Variants in ZMAT4 observed in about 807,000 individuals in gnomAD.
The protein encoded by ZMAT4 is zinc finger matrin-type 4, also known as zinc finger matrin-type protein 4.
In ZMAT4, 17 loss-of-function variants were observed where a neutral mutation model predicts 28.7. The ratio of observed to expected loss-of-function variants is 0.59; its 90% confidence interval spans 0.41 to 0.89. The LOEUF is 0.89. Ranked by LOEUF, ZMAT4 falls within the 40% of genes least tolerant of loss-of-function variation. The pLI is 0.00. For synonymous variants in ZMAT4, 117 were observed against 109.2 expected (o/e 1.07, Z -0.44); for missense variants, 240 against 283.8 (o/e 0.85, Z 1.11).
chr8:40,641,649 C>T (rs1248946518), intron 5 of ZMAT4, among the ~76,000 whole-genome samples: 2 of 152,146 alleles, frequency 1.3e-5, no homozygotes, highest in Non-Finnish European at 2.9e-5. Context: ...CCATTCATCA[C>T]CTCTGTGTTT....
chr8:40,666,234 C>G (rs899058479), intron 5 of ZMAT4, among the ~76,000 whole-genome samples: 2 of 152,030 alleles, frequency 1.3e-5, no homozygotes, highest in African/African-American at 2.4e-5. Context: ...TTTATAATTC[C>G]ATAACTCAAT....
At chr8:40,576,304 T>C (rs1387642224) in intron 6 of ZMAT4, among the ~76,000 whole-genome samples, 1 of 151,506 alleles carries the variant, frequency 6.6e-6, no homozygotes, top group Non-Finnish European at 1.5e-5. Context: ...AACAACCACA[T>C]AAACACAGCT....
rs752336997 is a variant in ZMAT4, at chr8:40,679,697, T to A, written c.350-4766A>T. On this transcript the variant is annotated intron_variant, in intron 4 of 6. Transcript: ENST00000297737. Reference sequence around the variant, plus strand: ...AGATTATGAGAACTACAATTCAAGATGAGATTTGGGTGGGGACACAGCCAA... The same window carrying A: ...AGATTATGAGAACTACAATTCAAGAAGAGATTTGGGTGGGGACACAGCCAA... 1.0e-3 allele frequency among the ~76,000 whole-genome samples: 157 copies of A among 152,244 alleles called. 2 individuals are homozygous for A. Among genetic ancestry groups the A allele is most frequent in the South Asian group, 2.1e-4 (1 of 4,824 alleles).
intron 5 of ZMAT4, among the ~76,000 whole-genome samples, chr8:40,586,203 C>T (rs1008795581): frequency 6.6e-6 from 1 of 152,126 alleles, no homozygotes; most frequent in Non-Finnish European, 1.5e-5. Flanking sequence ...AGTTGAAATC[C>T]TAATTACTTT....
At chr8:40,822,021 T>C (rs1182637110) in intron 2 of ZMAT4, among the ~76,000 whole-genome samples, 2 of 152,216 alleles carry the variant, frequency 1.3e-5, no homozygotes, top group South Asian at 2.1e-4. Flanking sequence ...TCTTTTAAAG[T>C]GTAATATGCA....
intron 2 of ZMAT4, among the ~76,000 whole-genome samples, chr8:40,797,918 T>A (rs1229725640): frequency 6.6e-6 from 1 of 152,002 alleles, no homozygotes. Flanking sequence ...CTCTAAGGAG[T>A]GAGCCAGGCA....
intron 5 of ZMAT4, among the ~76,000 whole-genome samples, chr8:40,626,250 G>A (rs962293250): frequency 6.6e-6 from 1 of 152,110 alleles, no homozygotes; most frequent in Non-Finnish European, 1.5e-5. Context: ...AAGTACGAAA[G>A]AGGAGCTGCC....
At chr8:40,692,198 C>G (rs1366186703) in intron 4 of ZMAT4, among the ~76,000 whole-genome samples, 1 of 152,152 alleles carries the variant, frequency 6.6e-6, no homozygotes, top group Non-Finnish European at 1.5e-5. Context: ...CAGAGCACAC[C>G]TCAGAATGGT....
At chr8:40,824,763 AG>A (rs71546308) in intron 2 of ZMAT4, among the ~76,000 whole-genome samples, 1,769 of 151,316 alleles carry the variant, frequency 0.012, 17 homozygotes, top group Non-Finnish European at 0.018. Flanking sequence ...AAAGAAAGAA[AG>A]AAAAGAAAGA....
intron 3 of ZMAT4, among the ~76,000 whole-genome samples, chr8:40,713,452 A>C (rs1232664411): frequency 6.6e-6 from 1 of 152,156 alleles, no homozygotes; most frequent in East Asian, 1.9e-4. Context: ...TAGAAAAAAA[A>C]AACAACATGA....
intron 3 of ZMAT4, among the ~76,000 whole-genome samples, chr8:40,708,226 A>G (rs1246463171): frequency 1.3e-5 from 2 of 152,188 alleles, no homozygotes; most frequent in Non-Finnish European, 2.9e-5. Context: ...AGCAGCAGGT[A>G]TTCACAGAAA....
intron 4 of ZMAT4, among the ~76,000 whole-genome samples, chr8:40,676,079 T>C (rs1407765770): frequency 6.6e-6 from 1 of 152,218 alleles, no homozygotes; most frequent in Non-Finnish European, 1.5e-5. Context: ...GCTTCCATCC[T>C]TACAAGGACT....
chr8:40,799,667 T>TA (rs568490366), intron 2 of ZMAT4, among the ~76,000 whole-genome samples: 24 of 152,064 alleles, frequency 1.6e-4, no homozygotes, highest in South Asian at 6.2e-4. Context: ...GAGGGTAAAA[T>TA]AAAAGAATTT....
chr8:40,838,445 C>A (rs754297184), intron 1 of ZMAT4, among the ~76,000 whole-genome samples: 11 of 152,296 alleles, frequency 7.2e-5, no homozygotes, highest in Non-Finnish European at 1.5e-4. Context: ...TGGGCTCAAG[C>A]AAACCTCCTG....
chr8:40,597,623 A>AT (rs1341011743), intron 5 of ZMAT4, among the ~76,000 whole-genome samples: 1 of 152,054 alleles, frequency 6.6e-6, no homozygotes, highest in Non-Finnish European at 1.5e-5. Flanking sequence ...TTACTTTTTA[A>AT]TTTTTTTCTG....
At chr8:40,841,778 T>C in intron 1 of ZMAT4, among the ~76,000 whole-genome samples, 1 of 152,202 alleles carries the variant, frequency 6.6e-6, no homozygotes, top group East Asian at 1.9e-4. Context: ...GTAATAAAAG[T>C]AAAATGCACT....
At chr8:40,616,918 A>G (rs1806028909) in intron 5 of ZMAT4, among the ~76,000 whole-genome samples, 1 of 151,884 alleles carries the variant, frequency 6.6e-6, no homozygotes, top group Admixed American at 6.6e-5. Context: ...GAGCAGAACT[A>G]CAGTAATTTT....
intron 2 of ZMAT4, among the ~76,000 whole-genome samples, chr8:40,792,321 A>C: frequency 6.6e-6 from 1 of 151,542 alleles, no homozygotes; most frequent in Admixed American, 6.6e-5. Context: ...GACTATAAAT[A>C]GTTATATATT....
intron 5 of ZMAT4, among the ~76,000 whole-genome samples, chr8:40,598,792 C>A (rs1805192010): frequency 2.0e-5 from 3 of 150,780 alleles, no homozygotes; most frequent in African/African-American, 7.3e-5. Flanking sequence ...AAAGTCCCAA[C>A]AGCTAGAAAG....
Sources: gnomAD v4.1 joint callset for allele counts (sites outside exome capture counted in the v4.1 genomes callset) on GRCh38, gnomAD v4.1.1 for gene constraint, MANE v1.5 for transcripts, NCBI Gene and HGNC (gene_info 2026-07-23, HGNC 2026-07-21) for gene names.